STOML3: variants seen among roughly 807,000 people sequenced by gnomAD.
The protein encoded by STOML3 is stomatin-like protein 3.
Under a neutral mutation model 29.5 loss-of-function variants are expected in STOML3, and 31 were observed. That is an observed-to-expected ratio of 1.05 (90% CI 0.79 to 1.42). The LOEUF (loss-of-function observed/expected upper bound fraction) is 1.42, where lower values mean the gene tolerates loss of function less well. Among genes scored for constraint, STOML3 ranks in the 40% most tolerant of loss-of-function variants. The pLI is 0.00. For synonymous variants in STOML3, 122 were observed against 139.8 expected, an observed-to-expected ratio of 0.87 and a Z score of 0.90; for missense variants, 380 against 363.0, an observed-to-expected ratio of 1.05 and a Z score of -0.38.
chr13:38,987,241 G>A (rs1287371824), intron 1 of STOML3, among the ~76,000 whole-genome samples: 1 of 152,084 alleles, frequency 6.6e-6, no homozygotes, highest in Non-Finnish European at 1.5e-5. Flanking sequence ...AGCTGGTCCA[G>A]GCCTGGCACA....
At chr13:38,980,298 G>A (rs772226177) in intron 1 of STOML3, among the ~76,000 whole-genome samples, 15 of 152,152 alleles carry the variant, frequency 9.9e-5, no homozygotes, top group Admixed American at 9.8e-4. Context: ...CTTCCCTGCA[G>A]GCTCCCAGCT....
At chr13:38,987,517 C>T (rs572246741) in intron 1 of STOML3, among the ~76,000 whole-genome samples, 123 of 151,026 alleles carry the variant, frequency 8.1e-4, no homozygotes, top group African/African-American at 2.8e-3. Context: ...TAAAGTGTGC[C>T]AGCAGCACAC....
At chr13:38,978,685 C>T (rs1881177417) in intron 1 of STOML3, among the ~76,000 whole-genome samples, 1 of 152,188 alleles carries the variant, frequency 6.6e-6, no homozygotes, top group African/African-American at 2.4e-5. Flanking sequence ...TGCCTCTTCC[C>T]TATCCAGTTG....
chr13:38,983,330 C>A (rs1487113167), intron 1 of STOML3, among the ~76,000 whole-genome samples: 1 of 152,220 alleles, frequency 6.6e-6, no homozygotes, highest in Non-Finnish European at 1.5e-5. Flanking sequence ...TCTGGCCTCT[C>A]TCCTCCATTG....
intron 5 of STOML3, among the ~76,000 whole-genome samples, chr13:38,969,211 T>C (rs1006202519): frequency 6.6e-6 from 1 of 152,222 alleles, no homozygotes; most frequent in Non-Finnish European, 1.5e-5. Context: ...GATACTCTTG[T>C]CTTTCGTAAA....
Position 38,976,801 on chromosome 13 carries a change from GGA to G in STOML3, c.53-6_53-5del. ...CCAAGCCGTTTATTGTTGACACCTA[GGA>G]AATGAGAAGGAAGCAAATATGTGAT... On this transcript the variant is annotated splice_region_variant and splice_polypyrimidine_tract_variant and intron_variant, in intron 1 of 6. Transcript: ENST00000379631. 1 of 1,611,706 alleles carries G rather than the reference GGA, an allele frequency of 6.2e-7. No individual in the cohort carries two copies. Among genetic ancestry groups the G allele is most frequent in the African/African-American group, 1.3e-5 (1 of 74,902 alleles).
In STOML3 at chr13:38,966,783, G is replaced by A; in HGVS notation, c.*42C>T. On this transcript the variant is annotated 3_prime_UTR_variant, in exon 7 of 7. Coordinates refer to ENST00000379631, the MANE Select transcript of STOML3 (RefSeq NM_145286.3). ...AACTACTGGCTTCTCCATAGGAATA[G>A]ACACCACTCTCTATGCAATAGCTGA... The A allele has an allele frequency of 6.5e-7, 1 of 1,541,534 alleles. No homozygotes were observed. The highest frequency in any genetic ancestry group is 1.7e-5 in the Admixed American group (1 of 59,442).
chr13:38,989,151 C>T (rs977480884), intron 1 of STOML3, among the ~76,000 whole-genome samples: 1 of 151,494 alleles, frequency 6.6e-6, no homozygotes, highest in African/African-American at 2.4e-5. Context: ...ACTACAAAAG[C>T]ACAGGAAATC....
chr13:38,970,154 G>T, intron 5 of STOML3, 31 bp downstream of exon 5: 1 of 1,578,188 alleles, frequency 6.3e-7, no homozygotes, highest in East Asian at 2.3e-5. Flanking sequence ...ACAAGTTAAA[G>T]ATACAGGCTA....
intron 1 of STOML3, among the ~76,000 whole-genome samples, chr13:38,986,906 G>A (rs527548455): frequency 6.6e-6 from 1 of 152,186 alleles, no homozygotes; most frequent in African/African-American, 2.4e-5. Context: ...TGTATTTTAA[G>A]GAGCTCCCCA....
chr13:38,986,533 C>T (rs2138026891), intron 1 of STOML3, among the ~76,000 whole-genome samples: 2 of 152,148 alleles, frequency 1.3e-5, no homozygotes, highest in Middle Eastern at 6.8e-3. Flanking sequence ...ATGTTCACTT[C>T]CAATCCTGTG....
At chr13:38,986,234 C>A (rs1037318231) in intron 1 of STOML3, among the ~76,000 whole-genome samples, 1 of 151,690 alleles carries the variant, frequency 6.6e-6, no homozygotes, top group Non-Finnish European at 1.5e-5. Context: ...AAGGTTTCAC[C>A]ATGTTGGACA....
chr13:38,980,947 A>C (rs1413109377), intron 1 of STOML3, among the ~76,000 whole-genome samples: 1 of 152,196 alleles, frequency 6.6e-6, no homozygotes, highest in African/African-American at 2.4e-5. Context: ...AAATATGTGG[A>C]GACTTCCCCC....
In STOML3 at chr13:38,990,633, G is replaced by A. The variant is rs369709428; in HGVS notation, c.52+37C>T. ...CTACAACTCCTGCTTTGCCATATAT[G>A]TAAAAAACAAGCCTAAGACAGGAAA... On this transcript the variant is annotated intron_variant, in intron 1 of 6. Coordinates refer to ENST00000379631, the MANE Select transcript of STOML3 (RefSeq NM_145286.3). The A allele has an allele frequency of 6.8e-6, 11 of 1,610,218 alleles. No individual in the cohort carries two copies. In the African/African-American group the frequency reaches 1.3e-4, roughly 20 times the overall value.
At chr13:38,987,808 A>G (rs1291493406) in intron 1 of STOML3, among the ~76,000 whole-genome samples, 1 of 100,280 alleles carries the variant, frequency 1.0e-5, no homozygotes, top group African/African-American at 4.0e-5. Context: ...TATTTTATAT[A>G]TAATATATTA....
In STOML3 at chr13:38,966,296, G is replaced by A. The variant is rs9532314; in HGVS notation, c.*529C>T. ...GCCTTGTGGCACGGGGGACATGTTTGAGCCTGGAAGTTTCCATACTTCTTT... is the reference window on the plus strand; with the variant it reads ...GCCTTGTGGCACGGGGGACATGTTTAAGCCTGGAAGTTTCCATACTTCTTT... On this transcript the variant is annotated 3_prime_UTR_variant, in exon 7 of 7. Coordinates refer to ENST00000379631, the MANE Select transcript of STOML3 (RefSeq NM_145286.3). The A allele has an allele frequency of 0.26, 39,475 of 152,472 alleles. 5,240 individuals are homozygous for A. Among genetic ancestry groups the A allele is most frequent in the East Asian group, 0.37 (1,905 of 5,176 alleles). The allele number at this position is 152,472 out of a possible 1,614,324, so 9.4% of individuals were successfully genotyped here. A position where few individuals can be genotyped will look rare whatever the true frequency, so the allele number is the denominator to read the frequency against.
chr13:38,988,389 TATATTTTATATAA>T (rs1868780339), intron 1 of STOML3, among the ~76,000 whole-genome samples: 2 of 92,488 alleles, frequency 2.2e-5, no homozygotes, highest in Non-Finnish European at 3.7e-5. Context: ...TTTTATATCA[TATATTTTATATAA>T]AATATATGAT....
chr13:38,972,368 G>A (rs764198855), intron 4 of STOML3, 144 bp downstream of exon 4: 224 of 689,684 alleles, frequency 3.2e-4, no homozygotes, highest in Non-Finnish European at 4.7e-4. Flanking sequence ...AGCCACCAAG[G>A]AAGGGCAATT....
rs777583372 is a variant in STOML3 at position 38,968,536 on chromosome 13, T to G, written c.517-2A>C. 2.5e-6 allele frequency: 4 copies of G among 1,613,992 alleles called. No individual in the cohort carries two copies. Among genetic ancestry groups the G allele is most frequent in the Non-Finnish European group, 2.5e-6 (3 of 1,179,858 alleles). On this transcript the variant is annotated splice_acceptor_variant, in intron 5 of 6. Transcript: ENST00000379631. LOFTEE classifies it high-confidence loss of function. The stretch of plus-strand genomic sequence containing the variant: ...TTCGGTGGCATCATCAAGTAAAGTC[T>G]GTTTCCAAATTAAAAGGGAAGACTA...
Sources: gnomAD v4.1 joint callset for allele counts (sites outside exome capture counted in the v4.1 genomes callset) on GRCh38, gnomAD v4.1.1 for gene constraint, MANE v1.5 for transcripts, NCBI Gene and HGNC (gene_info 2026-07-23, HGNC 2026-07-21) for gene names.